The following M1AP variants were observed in gnomAD, a reference collection of about 807,000 sequenced individuals.
The protein encoded by M1AP is meiosis 1 arrest protein.
Under a neutral mutation model 51.2 loss-of-function variants are expected in M1AP, and 39 were observed. That is an observed-to-expected ratio of 0.76 (90% confidence interval 0.59 to 1.00). M1AP has a LOEUF of 1.00. M1AP is among the 50% of genes least tolerant of loss of function. M1AP has a pLI of 0.00. For synonymous variants in M1AP, 251 were observed against 249.2 expected, an observed-to-expected ratio of 1.01 and a Z score of -0.07; for missense variants, 545 against 641.2, an observed-to-expected ratio of 0.85 and a Z score of 1.62.
At chr2:74,647,982 C>G (rs1264931464) in intron 1 of M1AP, 2 of 982,986 alleles carry the variant, frequency 2.0e-6, no homozygotes, top group Admixed American at 1.2e-4. Flanking sequence ...CCGTGCCTGG[C>G]GGATCAGCAG....
At position 74,647,633 on chromosome 2, in the gene M1AP, C is replaced by T. The variant is rs181189242; in HGVS notation, c.-53+632G>A. On this transcript the variant is annotated intron_variant, in intron 1 of 10. Transcript: ENST00000421985. ...TCGTGGCCGGGCACGGTGGCTCACG[C>T]CTGTAATCGCAGCACTTTAGGAGGC... 4.7e-3 allele frequency among the ~76,000 whole-genome samples: 722 copies of T among 152,284 alleles called. 7 individuals carry two copies. Among genetic ancestry groups the T allele is most frequent in the African/African-American group, 0.017 (691 of 41,562 alleles).
At chr2:74,601,293 A>C (rs1282091784) in intron 4 of M1AP, among the ~76,000 whole-genome samples, 1 of 152,064 alleles carries the variant, frequency 6.6e-6, no homozygotes, top group African/African-American at 2.4e-5. Flanking sequence ...TCTATGTGCC[A>C]ATACGGAAAA....
intron 2 of M1AP, among the ~76,000 whole-genome samples, chr2:74,626,671 T>C (rs1318281175): frequency 6.6e-6 from 1 of 152,232 alleles, no homozygotes; most frequent in African/African-American, 2.4e-5. Flanking sequence ...TTTATTTTTA[T>C]ACTTTGCTCC....
chr2:74,565,494 T>C (rs898741698), intron 7 of M1AP, among the ~76,000 whole-genome samples: 1 of 152,038 alleles, frequency 6.6e-6, no homozygotes, highest in Non-Finnish European at 1.5e-5. Flanking sequence ...ATTAACAGAA[T>C]AAAGAACAAA....
intron 4 of M1AP, among the ~76,000 whole-genome samples, chr2:74,597,036 T>C (rs1165402181): frequency 6.6e-6 from 1 of 152,208 alleles, no homozygotes; most frequent in African/African-American, 2.4e-5. Context: ...GTGATGATGA[T>C]TTGTGGGCAT....
At chr2:74,647,706 A>T (rs1217835099) in intron 1 of M1AP, among the ~76,000 whole-genome samples, 1 of 152,230 alleles carries the variant, frequency 6.6e-6, no homozygotes, top group Non-Finnish European at 1.5e-5. Flanking sequence ...AGCCTGGCCA[A>T]CATAGGGAAA....
At chr2:74,581,983 C>T in intron 4 of M1AP, 136 bp from the exon 5 acceptor site, 1 of 711,800 alleles carries the variant, frequency 1.4e-6, no homozygotes, top group Non-Finnish European at 2.3e-6. Context: ...AGTGGCTATT[C>T]ACATGCACAA....
chr2:74,624,295 G>C (rs1682250369), intron 2 of M1AP, among the ~76,000 whole-genome samples: 1 of 152,214 alleles, frequency 6.6e-6, no homozygotes, highest in Non-Finnish European at 1.5e-5. Context: ...TAAACTCCAG[G>C]AATCAGTAGA....
intron 9 of M1AP, 84 bp downstream of exon 9, chr2:74,560,067 T>G (rs527458523): frequency 3.8e-4 from 536 of 1,403,562 alleles, no homozygotes; most frequent in African/African-American, 1.9e-3. Context: ...GGTGTTGGGA[T>G]GGGGGAGGAG....
chr2:74,577,952 G>A (rs1432786363), intron 5 of M1AP, among the ~76,000 whole-genome samples: 2 of 152,186 alleles, frequency 1.3e-5, no homozygotes, highest in Non-Finnish European at 2.9e-5. Flanking sequence ...GTGGGGGATG[G>A]TACTGTTCCA....
chr2:74,629,839 C>T (rs1682603087), intron 2 of M1AP, among the ~76,000 whole-genome samples: 1 of 152,012 alleles, frequency 6.6e-6, no homozygotes, highest in African/African-American at 2.4e-5. Context: ...ACTTGGGTCC[C>T]ATCCCTAAGT....
intron 4 of M1AP, among the ~76,000 whole-genome samples, chr2:74,591,252 T>C (rs1241869322): frequency 6.6e-6 from 1 of 152,238 alleles, no homozygotes; most frequent in Non-Finnish European, 1.5e-5. Context: ...TAAGAAAATA[T>C]ATTTTATCTA....
chr2:74,562,434 G>C lies in M1AP; in HGVS notation c.1075-11C>G, dbSNP rs375676422. 1.9e-6 allele frequency: 3 copies of C among 1,614,022 alleles called. No individual in the cohort carries two copies. Among genetic ancestry groups the C allele is most frequent in the Non-Finnish European group, 2.5e-6 (3 of 1,179,912 alleles). On this transcript the variant is annotated splice_polypyrimidine_tract_variant and intron_variant, in intron 7 of 10. Coordinates refer to ENST00000421985, the MANE Select transcript of M1AP (RefSeq NM_001321739.2). ...CAGCCATTCCCTTTTCTGAAACAAGGACATACAGAAATACTGGTTCATCTT... is the reference window on the plus strand; with the variant it reads ...CAGCCATTCCCTTTTCTGAAACAAGCACATACAGAAATACTGGTTCATCTT...
chr2:74,612,961 C>T (rs1173637114), intron 3 of M1AP, among the ~76,000 whole-genome samples: 19 of 150,244 alleles, frequency 1.3e-4, no homozygotes, highest in Admixed American at 1.2e-3. Context: ...ATATTCTGCT[C>T]TGGGTTTTTT....
chr2:74,598,641 T>C lies in M1AP; in HGVS notation c.595+8414A>G, dbSNP rs1167931936. The stretch of plus-strand genomic sequence containing the variant: ...ATCAACTTTTTTTTTTTTTTTTTTT[T>C]TGAGACAGAGTCTTGCTCTGTCATC... On this transcript the variant is annotated intron_variant, in intron 4 of 10. Transcript: ENST00000421985. 5.7e-5 allele frequency among the ~76,000 whole-genome samples: 7 copies of C among 123,444 alleles called. No homozygotes were observed. In the East Asian group the frequency reaches 2.4e-3, roughly 42 times the overall value. 81.0% of individuals were successfully genotyped at this position (123,444 alleles called of 152,430 possible). A position where few individuals can be genotyped will look rare whatever the true frequency, so the allele number is the denominator to read the frequency against.
At chr2:74,641,418 T>C (rs1466284445) in intron 1 of M1AP, among the ~76,000 whole-genome samples, 1 of 152,050 alleles carries the variant, frequency 6.6e-6, no homozygotes, top group Non-Finnish European at 1.5e-5. Context: ...GTGAAAAGGG[T>C]TATAGGAGGA....
At position 74,620,639 on chromosome 2, in the gene M1AP, G is replaced by T. The variant is rs1332505078; in HGVS notation, c.241-5490C>A. On this transcript the variant is annotated intron_variant, in intron 2 of 10. Coordinates refer to ENST00000421985, the MANE Select transcript of M1AP (RefSeq NM_001321739.2). ...GAGTTAGTGCAGTTTGCCCAGACCAGTCCAAATGGCCTGTGAACAAGATAA... is the reference window on the plus strand; with the variant it reads ...GAGTTAGTGCAGTTTGCCCAGACCATTCCAAATGGCCTGTGAACAAGATAA... The T allele has an allele frequency of 1.9e-5, 4 of 211,654 alleles. No individual in the cohort carries two copies. In the South Asian group the frequency reaches 3.6e-4, roughly 19 times the overall value. The allele number at this position is 211,654 out of a possible 1,614,324, so 13.1% of individuals were successfully genotyped here.
At chr2:74,621,288 A>C (rs1410645219) in intron 2 of M1AP, among the ~76,000 whole-genome samples, 5 of 149,914 alleles carry the variant, frequency 3.3e-5, no homozygotes, top group African/African-American at 4.9e-5. Flanking sequence ...TCTCAAAAAA[A>C]ACCCCAAAAA....
intron 4 of M1AP, among the ~76,000 whole-genome samples, chr2:74,596,616 C>CAAA (rs1376051885): frequency 5.9e-5 from 9 of 151,992 alleles, no homozygotes; most frequent in African/African-American, 1.7e-4. Context: ...ACAACAACAA[C>CAAA]AAACAGTAAG....
Sources: allele counts gnomAD v4.1 joint callset (sites outside exome capture counted in the v4.1 genomes callset), GRCh38; gene constraint gnomAD v4.1.1; transcripts MANE v1.5; gene names NCBI Gene and HGNC (gene_info 2026-07-23, HGNC 2026-07-21).